The following NTNG1 variants were observed in gnomAD, a reference collection of about 807,000 sequenced individuals.
NTNG1 encodes the protein netrin-G1.
In NTNG1, 16 loss-of-function variants were observed where a neutral mutation model predicts 54.0. That is an observed-to-expected ratio of 0.30 (90% CI 0.20 to 0.45). The LOEUF is 0.45. NTNG1 is among the 20% of genes least tolerant of loss of function. The pLI, the probability that NTNG1 is intolerant of heterozygous loss-of-function variation, is 1.00. For missense variants in NTNG1, 530 were observed against 678.7 expected (o/e 0.78, Z 2.43); for synonymous variants, 255 against 263.1 (o/e 0.97, Z 0.30).
chr1:107,450,827 C>T (rs1231215476), intron 7 of NTNG1, among the ~76,000 whole-genome samples: 8 of 152,012 alleles, frequency 5.3e-5, no homozygotes. Context: ...ATCCTAAATC[C>T]TGGAAATTAC....
At chr1:107,427,992 T>C (rs1187968982) in intron 5 of NTNG1, among the ~76,000 whole-genome samples, 3 of 152,156 alleles carry the variant, frequency 2.0e-5, no homozygotes, top group Non-Finnish European at 2.9e-5. Flanking sequence ...CTGTTGAACT[T>C]GGGTATCTTA....
rs1478846201 is a variant in NTNG1, at chr1:107,288,772, A to AT, written c.247-35506dup. Among the ~76,000 whole-genome samples the AT allele has an allele frequency of 3.3e-5, 5 of 152,300 alleles. No individual in the cohort carries two copies. In the East Asian group the frequency reaches 9.6e-4, roughly 29 times the overall value. On this transcript the variant is annotated intron_variant, in intron 2 of 7. Coordinates refer to ENST00000370068, the MANE Select transcript of NTNG1 (RefSeq NM_001113226.3). ...TTAATGGAAGTCAAGAAATGTTTATATTTTGAGAAGGTTTAATTTATGTAT... is the reference window on the plus strand; with the variant it reads ...TTAATGGAAGTCAAGAAATGTTTATATTTTTGAGAAGGTTTAATTTATGTAT...
At chr1:107,268,277 C>T (rs1663886514) in intron 2 of NTNG1, among the ~76,000 whole-genome samples, 1 of 152,162 alleles carries the variant, frequency 6.6e-6, no homozygotes. Flanking sequence ...TTCCTAACCA[C>T]TCTAAACATG....
At chr1:107,295,850 C>T (rs889361563) in intron 2 of NTNG1, among the ~76,000 whole-genome samples, 1 of 152,132 alleles carries the variant, frequency 6.6e-6, no homozygotes, top group Non-Finnish European at 1.5e-5. Flanking sequence ...AAGCAGGCTG[C>T]TAACTGCCTA....
Position 107,482,680 on chromosome 1 carries a change from A to G in NTNG1, c.*1840A>G, listed in dbSNP as rs1678801787. ...CAATAACCTATGATAGTGTAAGGTCAGAAACCTAGTTCCAGTCTGAATTCT... is the reference window on the plus strand; with the variant it reads ...CAATAACCTATGATAGTGTAAGGTCGGAAACCTAGTTCCAGTCTGAATTCT... On this transcript the variant is annotated 3_prime_UTR_variant, in exon 8 of 8. Transcript: ENST00000370068. 1 of 152,242 alleles carries G rather than the reference A, an allele frequency of 6.6e-6. No individual in the cohort carries two copies. Among genetic ancestry groups the G allele is most frequent in the Admixed American group, 6.5e-5 (1 of 15,284 alleles). 9.4% of individuals were successfully genotyped at this position (152,242 alleles called of 1,614,324 possible).
intron 5 of NTNG1, among the ~76,000 whole-genome samples, chr1:107,417,024 T>C (rs577700787): frequency 6.6e-6 from 1 of 152,236 alleles, no homozygotes; most frequent in South Asian, 2.1e-4. Flanking sequence ...TTATAGTTTT[T>C]CAAAGCTGAT....
chr1:107,244,435 C>T (rs961616055), intron 2 of NTNG1, among the ~76,000 whole-genome samples: 5 of 152,060 alleles, frequency 3.3e-5, no homozygotes, highest in African/African-American at 4.8e-5. Flanking sequence ...ATTATGTGCC[C>T]GCATCTGCTG....
rs151071046 is a variant in NTNG1, at chr1:107,297,890, T to C, written c.247-26392T>C. 2.4e-3 allele frequency among the ~76,000 whole-genome samples: 360 copies of C among 152,260 alleles called. 1 individual carries two copies. The highest frequency in any genetic ancestry group is 6.2e-3 in the Admixed American group (94 of 15,280). ...GCAATAAAAGATGACATTGTCTCTA[T>C]TGAGCAAAAGCAGACCTGGATAAGA... On this transcript the variant is annotated intron_variant, in intron 2 of 7. Transcript: ENST00000370068.
chr1:107,174,788 G>A (rs1464491167), intron 2 of NTNG1, among the ~76,000 whole-genome samples: 1 of 151,800 alleles, frequency 6.6e-6, no homozygotes, highest in African/African-American at 2.4e-5. Context: ...CAAGCTGAGA[G>A]TTGAAAATTT....
chr1:107,238,441 C>T (rs1428761530), intron 2 of NTNG1, among the ~76,000 whole-genome samples: 1 of 152,036 alleles, frequency 6.6e-6, no homozygotes, highest in Admixed American at 6.6e-5. Flanking sequence ...CTTTTGGGGA[C>T]TGTTGGGAAG....
intron 2 of NTNG1, among the ~76,000 whole-genome samples, chr1:107,287,613 G>T (rs968165789): frequency 6.6e-6 from 1 of 152,084 alleles, no homozygotes; most frequent in African/African-American, 2.4e-5. Context: ...TAAATTTAGA[G>T]GGTTGATGGT....
At chr1:107,268,747 C>T (rs1663930255) in intron 2 of NTNG1, among the ~76,000 whole-genome samples, 1 of 152,134 alleles carries the variant, frequency 6.6e-6, no homozygotes, top group Non-Finnish European at 1.5e-5. Context: ...GTCCAATTCC[C>T]ACCTCCTTCC....
intron 2 of NTNG1, among the ~76,000 whole-genome samples, chr1:107,195,782 T>G (rs1197678427): frequency 1.3e-5 from 2 of 152,022 alleles, no homozygotes; most frequent in African/African-American, 2.4e-5. Flanking sequence ...GATATCCATA[T>G]GACTTGCTCC....
In NTNG1 at chr1:107,291,143, C is replaced by G. The variant is rs572816729; in HGVS notation, c.247-33139C>G. On this transcript the variant is annotated intron_variant, in intron 2 of 7. Transcript: ENST00000370068. Reference sequence around the variant, plus strand: ...AGACCAACCCATCCTTTGCCTCCCCCTCCTCAGCCTACTCAGTGTGAAGAC... The same window carrying G: ...AGACCAACCCATCCTTTGCCTCCCCGTCCTCAGCCTACTCAGTGTGAAGAC... Among the ~76,000 whole-genome samples the G allele has an allele frequency of 1.4e-4, 22 of 151,832 alleles. No homozygotes were observed. The South Asian group carries it at 4.4e-3, about 30-fold the overall frequency.
chr1:107,351,152 G>A (rs1174971815), intron 3 of NTNG1, among the ~76,000 whole-genome samples: 1 of 152,096 alleles, frequency 6.6e-6, no homozygotes, highest in Non-Finnish European at 1.5e-5. Context: ...CTATAAAAAT[G>A]CAATCTTTGT....
chr1:107,176,109 G>A (rs1339160850), intron 2 of NTNG1, among the ~76,000 whole-genome samples: 1 of 152,028 alleles, frequency 6.6e-6, no homozygotes, highest in Non-Finnish European at 1.5e-5. Context: ...TTCTACTATT[G>A]GGTAGAAAAA....
At chr1:107,386,166 T>TA (rs869287441) in intron 3 of NTNG1, among the ~76,000 whole-genome samples, 7,048 of 41,898 alleles carry the variant, frequency 0.17, 299 homozygotes, top group Middle Eastern at 0.24. Flanking sequence ...TATATATATA[T>TA]TTTTTTTTTT....
At chr1:107,455,751 C>G (rs1211355238) in intron 7 of NTNG1, 2 of 354,204 alleles carry the variant, frequency 5.6e-6, no homozygotes, top group Admixed American at 5.0e-5. Flanking sequence ...TTCATGCTGT[C>G]GTGTCAGTGC....
chr1:107,386,687 G>C (rs1261847392), intron 3 of NTNG1, among the ~76,000 whole-genome samples: 1 of 152,080 alleles, frequency 6.6e-6, no homozygotes, highest in Non-Finnish European at 1.5e-5. Flanking sequence ...GAATAATGTT[G>C]CTTTTAATAT....
Sources: gnomAD v4.1 joint callset for allele counts (sites outside exome capture counted in the v4.1 genomes callset) on GRCh38, gnomAD v4.1.1 for gene constraint, MANE v1.5 for transcripts, NCBI Gene and HGNC (gene_info 2026-07-23, HGNC 2026-07-21) for gene names.